Variants in SPTBN4 observed in about 807,000 individuals in gnomAD.
The protein encoded by SPTBN4 is spectrin beta chain, non-erythrocytic 4.
A neutral mutation model predicts 277.8 loss-of-function variants in SPTBN4; 96 were observed. The observed-to-expected ratio is 0.35, with a 90% CI of 0.29 to 0.41. The LOEUF (loss-of-function observed/expected upper bound fraction) is 0.41. Ranked by LOEUF, SPTBN4 falls within the 10% of genes least tolerant of loss-of-function variation. The pLI is 1.00. For synonymous variants in SPTBN4, 1,481 were observed against 1,580.3 expected (o/e 0.94, Z 1.49); for missense variants, 3,006 against 3,595.7 (o/e 0.84, Z 4.19).
At chr19:40,527,565 AC>A (rs1459174478) in intron 17 of SPTBN4, among the ~76,000 whole-genome samples, 1 of 152,234 alleles carries the variant, frequency 6.6e-6, no homozygotes, top group Non-Finnish European at 1.5e-5. Context: ...GTCAGGAGGG[AC>A]CTCACGAAGA....
At chr19:40,507,747 A>G (rs1208633670) in intron 13 of SPTBN4, among the ~76,000 whole-genome samples, 2 of 151,978 alleles carry the variant, frequency 1.3e-5, no homozygotes, top group African/African-American at 4.8e-5. Flanking sequence ...AGGTGGGAGG[A>G]TTGCTTGAAC....
intron 20 of SPTBN4, among the ~76,000 whole-genome samples, chr19:40,545,080 ATTT>A (rs1005594985): frequency 1.3e-5 from 2 of 151,474 alleles, no homozygotes; most frequent in African/African-American, 4.8e-5. Context: ...TCTTAAAAAA[ATTT>A]TTATTATTAT....
At chr19:40,529,215 C>T (rs2080632148) in intron 18 of SPTBN4, 84 bp downstream of exon 18, 1 of 1,326,904 alleles carries the variant, frequency 7.5e-7, no homozygotes, top group Non-Finnish European at 1.1e-6. Context: ...GGGGTGGGGA[C>T]GCCCCGTCTA....
intron 20 of SPTBN4, among the ~76,000 whole-genome samples, chr19:40,546,363 AT>A (rs1362761801): frequency 6.6e-6 from 1 of 151,990 alleles, no homozygotes; most frequent in Admixed American, 6.6e-5. Flanking sequence ...TTCACATCTG[AT>A]GCCCATTTCT....
Position 40,472,672 on chromosome 19 carries a change from TAAC to T in SPTBN4, c.58_60del (p.Asn20del). On this transcript the variant is annotated inframe_deletion, in exon 2 of 36. Transcript: ENST00000598249. ...ACAACATGGAGGGCCTGCCTGCTCC[TAAC>T]AACAACCCTGCTGCCCGCTGGGAGA... 1 of 1,613,950 alleles carries T rather than the reference TAAC, an allele frequency of 6.2e-7. No homozygotes were observed. The highest frequency in any genetic ancestry group is 8.5e-7 in the Non-Finnish European group (1 of 1,179,944).
Position 40,575,770 on chromosome 19 carries a change from G to A in SPTBN4, c.*201G>A. 1.8e-6 allele frequency: 1 copy of A among 559,564 alleles called. No homozygotes were observed. The highest frequency in any genetic ancestry group is 2.9e-6 in the Non-Finnish European group (1 of 348,398). 34.7% of individuals were successfully genotyped at this position (559,564 alleles called of 1,614,324 possible). ...ATTGCTGCCCCTATAGCCATATCTC[G>A]GCCCCTTCCCACTCACCACCCCCAC... On this transcript the variant is annotated 3_prime_UTR_variant, in exon 36 of 36. Transcript: ENST00000598249.
At position 40,503,040 on chromosome 19, in the gene SPTBN4, GA is replaced by G. The variant is rs111542586; in HGVS notation, c.1362+108del. On this transcript the variant is annotated intron_variant, in intron 11 of 35. Coordinates refer to ENST00000598249, the MANE Select transcript of SPTBN4 (RefSeq NM_020971.3). ...TCTTCTAGGCAACAGGGAAGAGTTAGATTAGTCTCCTGGTGATAAATGAGGA... is the reference window on the plus strand; with the variant it reads ...TCTTCTAGGCAACAGGGAAGAGTTAGTTAGTCTCCTGGTGATAAATGAGGA... 116,590 of 1,390,506 alleles carry G rather than the reference GA, an allele frequency of 0.084. 5,843 individuals are homozygous for G. The highest frequency in any genetic ancestry group is 0.2 in the African/African-American group (14,048 of 69,098). 86.1% of individuals were successfully genotyped at this position (1,390,506 alleles called of 1,614,324 possible). A position where few individuals can be genotyped will look rare whatever the true frequency, so the allele number is the denominator to read the frequency against.
At chr19:40,570,863 G>C in intron 33 of SPTBN4, 135 bp downstream of exon 33, 1 of 967,684 alleles carries the variant, frequency 1.0e-6, no homozygotes, top group Non-Finnish European at 1.4e-6. Context: ...TGGGGCCAGA[G>C]CTGGGGGGTG....
At chr19:40,481,971 C>G (rs1386586096) in intron 2 of SPTBN4, among the ~76,000 whole-genome samples, 1 of 150,708 alleles carries the variant, frequency 6.6e-6, no homozygotes, top group African/African-American at 2.4e-5. Flanking sequence ...GAATCTTGCT[C>G]TGTTGCCCAG....
rs575876799 is a variant in SPTBN4, at chr19:40,557,247, G to C, written c.5514G>C (p.Lys1838Asn). 58 of 1,613,596 alleles carry C rather than the reference G, an allele frequency of 3.6e-5. No individual in the cohort carries two copies. The highest frequency in any genetic ancestry group is 3.0e-4 in the Admixed American group (18 of 59,986). Residue 1838 changes from lysine to asparagine, a missense_variant, in exon 26 of 36, where the codon AAG becomes AAC. Around this residue, in one of 5 missense-constraint regions of SPTBN4, gnomAD observed 425 missense variants for 594.7 expected, o/e 0.71. Coordinates refer to ENST00000598249, the MANE Select transcript of SPTBN4 (RefSeq NM_020971.3). ...QLLAASRELH[K>N]FFSDARELQG... ...TGGCCGCCTCTCGGGAGCTTCATAA[G>C]TTCTTCAGTGACGCCCGAGAGCTTC...
chr19:40,570,550 C>G lies in SPTBN4; in HGVS notation c.7141C>G (p.Arg2381Gly). Reference sequence around the variant, plus strand: ...CCGGGCGCGGGACCGGCCCAAGCCGCGACGGCGGCCGCGGCCCAGAGAGGG... The same window carrying G: ...CCGGGCGCGGGACCGGCCCAAGCCGGGACGGCGGCCGCGGCCCAGAGAGGG... ...RPRARDRPKP[R>G]RRPRPREGGE... The change falls in exon 33 of 36, where the codon CGA (arginine) becomes GGA (glycine). Residue 2381 changes from arginine (R) to glycine (G), a missense_variant. Around this residue, in one of 5 missense-constraint regions of SPTBN4, gnomAD observed 630 missense variants for 677.6 expected, o/e 0.93. Coordinates refer to ENST00000598249, the MANE Select transcript of SPTBN4 (RefSeq NM_020971.3). 7.4e-7 allele frequency: 1 copy of G among 1,356,958 alleles called. No homozygotes were observed. Among genetic ancestry groups the G allele is most frequent in the South Asian group, 1.8e-5 (1 of 54,852 alleles). The allele number at this position is 1,356,958 out of a possible 1,614,324, so 84.1% of individuals were successfully genotyped here.
intron 22 of SPTBN4, among the ~76,000 whole-genome samples, chr19:40,551,690 G>A (rs1428432533): frequency 5.3e-5 from 8 of 152,162 alleles, no homozygotes; most frequent in South Asian, 2.1e-4. Context: ...CATAAAAGAG[G>A]AATAATAATA....
At chr19:40,540,216 C>T (rs1160422863) in intron 20 of SPTBN4, among the ~76,000 whole-genome samples, 1 of 152,062 alleles carries the variant, frequency 6.6e-6, no homozygotes, top group South Asian at 2.1e-4. Flanking sequence ...CATGAACCAC[C>T]GTGCCTGGCC....
chr19:40,525,888 C>T (rs1012543895), intron 17 of SPTBN4, among the ~76,000 whole-genome samples: 1 of 152,200 alleles, frequency 6.6e-6, no homozygotes, highest in Admixed American at 6.5e-5. Flanking sequence ...GGTGTGGTCA[C>T]AGAGGGATTG....
chr19:40,530,649 G>A, intron 18 of SPTBN4: 1 of 911,400 alleles, frequency 1.1e-6, no homozygotes, highest in Non-Finnish European at 1.3e-6. Context: ...AGACAGGGGA[G>A]GGGGCTCGGG....
intron 2 of SPTBN4, among the ~76,000 whole-genome samples, chr19:40,475,816 C>T (rs891999305): frequency 4.1e-5 from 6 of 146,452 alleles, no homozygotes; most frequent in African/African-American, 1.5e-4. Context: ...GAGGCCGAGG[C>T]GGGCGGATCG....
rs759548781 is a variant in SPTBN4, at chr19:40,534,195, G to C, written c.4211G>C (p.Arg1404Pro). Residue 1404 changes from arginine (R) to proline (P), a missense_variant, in exon 20 of 36, where the codon CGG (arginine) becomes CCG (proline). Physicochemically the swap from Arg to Pro is moderately radical, Grantham distance 103 (BLOSUM62 -2). Around this residue, in one of 5 missense-constraint regions of SPTBN4, gnomAD observed 1,759 missense variants for 2,061.5 expected, o/e 0.85. Coordinates refer to ENST00000598249, the MANE Select transcript of SPTBN4 (RefSeq NM_020971.3). ...ELESTTQAKA[R>P]QLFEASKADQ... ...GAGAGCACCACCCAGGCCAAGGCAC[G>C]GCAGCTCTTTGAGGCCAGCAAAGCA... 1.2e-6 allele frequency: 2 copies of C among 1,613,802 alleles called. No homozygotes were observed. The highest frequency in any genetic ancestry group is 8.5e-7 in the Non-Finnish European group (1 of 1,179,874).
chr19:40,476,405 C>T (rs958200835), intron 2 of SPTBN4, among the ~76,000 whole-genome samples: 1 of 151,144 alleles, frequency 6.6e-6, no homozygotes, highest in African/African-American at 2.4e-5. Context: ...AAGTATGAAC[C>T]AGATTCAACT....
chr19:40,571,021 A>C (rs910877003), intron 33 of SPTBN4: 11 of 421,712 alleles, frequency 2.6e-5, no homozygotes, highest in African/African-American at 2.3e-4. Flanking sequence ...AGGAAGGGGC[A>C]GGACCTAAGG....
Sources: gnomAD v4.1 joint callset for allele counts (sites outside exome capture counted in the v4.1 genomes callset) on GRCh38, gnomAD v4.1.1 for gene constraint, gnomAD v4.1.1 regional missense constraint, MANE v1.5 for transcripts, NCBI Gene and HGNC (gene_info 2026-07-23, HGNC 2026-07-21) for gene names.